The following TMEM200A variants were observed in gnomAD, a reference collection of about 807,000 sequenced individuals.
The protein encoded by TMEM200A is two transmembrane C.
In TMEM200A, 12 loss-of-function variants were observed where a neutral mutation model predicts 24.3. That is an observed-to-expected ratio of 0.49 (90% CI 0.32 to 0.80). The LOEUF (loss-of-function observed/expected upper bound fraction) is 0.80. Ranked by LOEUF, TMEM200A falls within the 30% of genes least tolerant of loss-of-function variation. TMEM200A has a pLI of 0.04. For synonymous variants in TMEM200A, 224 were observed against 224.4 expected, an observed-to-expected ratio of 1.00 and a Z score of 0.02; for missense variants, 545 against 614.4, an observed-to-expected ratio of 0.89 and a Z score of 1.19.
At chr6:130,423,758 A>C (rs1210230964) in intron 2 of TMEM200A, among the ~76,000 whole-genome samples, 3 of 152,130 alleles carry the variant, frequency 2.0e-5, no homozygotes, top group Admixed American at 2.0e-4. Context: ...TCCAAATAAT[A>C]AGATACATAA....
chr6:130,412,453 T>A (rs948150982), intron 2 of TMEM200A, among the ~76,000 whole-genome samples: 2 of 152,218 alleles, frequency 1.3e-5, no homozygotes, highest in East Asian at 3.9e-4. Flanking sequence ...ATCTCAGCTC[T>A]CTCAGATTCT....
At chr6:130,379,241 A>G (rs1318792141) in intron 1 of TMEM200A, among the ~76,000 whole-genome samples, 1 of 152,178 alleles carries the variant, frequency 6.6e-6, no homozygotes, top group Non-Finnish European at 1.5e-5. Context: ...AATTTTTCAG[A>G]CAACACTGTG....
At chr6:130,373,470 G>C (rs1342837767) in intron 1 of TMEM200A, among the ~76,000 whole-genome samples, 1 of 151,960 alleles carries the variant, frequency 6.6e-6, no homozygotes, top group Admixed American at 6.6e-5. Context: ...AACCTACTCT[G>C]TTTGCTTAAT....
At chr6:130,419,461 G>T (rs1473412319) in intron 2 of TMEM200A, among the ~76,000 whole-genome samples, 1 of 152,090 alleles carries the variant, frequency 6.6e-6, no homozygotes, top group Non-Finnish European at 1.5e-5. Flanking sequence ...GGATCATATG[G>T]TATTTCTATT....
intron 2 of TMEM200A, among the ~76,000 whole-genome samples, chr6:130,425,881 G>A (rs1396440051): frequency 6.6e-6 from 1 of 152,130 alleles, no homozygotes; most frequent in Non-Finnish European, 1.5e-5. Flanking sequence ...AAAAAATAGT[G>A]TGTTACAGTA....
At position 130,441,035 on chromosome 6, in the gene TMEM200A, T is replaced by C. The variant is rs767975924; in HGVS notation, c.613T>C (p.Leu205=). Residue 205 remains leucine (L), a synonymous_variant, in exon 3 of 3, where the codon TTG becomes CTG. Coordinates refer to ENST00000296978, the MANE Select transcript of TMEM200A (RefSeq NM_001258277.2). ...KQNGSSCASR[L]AANTIASFSG... ...GAATGGGAGCTCCTGTGCCTCGAGATTGGCAGCAAATACGATCGCCTCTTT... is the reference window on the plus strand; with the variant it reads ...GAATGGGAGCTCCTGTGCCTCGAGACTGGCAGCAAATACGATCGCCTCTTT... The C allele has an allele frequency of 1.2e-5, 19 of 1,613,790 alleles. No homozygotes were observed. In the Admixed American group the frequency reaches 2.5e-4, roughly 21 times the overall value.
chr6:130,366,638 C>A lies in TMEM200A; in HGVS notation c.-81+114C>A, dbSNP rs183139309. The stretch of plus-strand genomic sequence containing the variant: ...CCTCCCCTCCCCTCCGCTACAGCCT[C>A]CAGAGTTAGGTAAACGCTGTCTCTC... On this transcript the variant is annotated intron_variant, in intron 1 of 2. Coordinates refer to ENST00000296978, the MANE Select transcript of TMEM200A (RefSeq NM_001258277.2). The surrounding 1 kb of genome is among the most constrained non-coding windows in gnomAD (Gnocchi z 4.4). 6 of 901,478 alleles carry A rather than the reference C, an allele frequency of 6.7e-6. No homozygotes were observed. The Admixed American group carries it at 3.1e-4, about 46-fold the overall frequency. 55.8% of individuals were successfully genotyped at this position (901,478 alleles called of 1,614,324 possible). A position where few individuals can be genotyped will look rare whatever the true frequency, so the allele number is the denominator to read the frequency against.
At chr6:130,416,644 A>C (rs894449676) in intron 2 of TMEM200A, among the ~76,000 whole-genome samples, 1 of 152,112 alleles carries the variant, frequency 6.6e-6, no homozygotes, top group Non-Finnish European at 1.5e-5. Context: ...AGCTGCTATC[A>C]TCTCTTTCCT....
chr6:130,429,898 T>G (rs1779835702), intron 2 of TMEM200A, among the ~76,000 whole-genome samples: 1 of 152,038 alleles, frequency 6.6e-6, no homozygotes, highest in Non-Finnish European at 1.5e-5. Flanking sequence ...TATAAATCAG[T>G]TCTAGAAAAC....
At chr6:130,436,662 T>A (rs9492592) in intron 2 of TMEM200A, among the ~76,000 whole-genome samples, 5 of 128,282 alleles carry the variant, frequency 3.9e-5, no homozygotes, top group African/African-American at 1.2e-4. Context: ...TTTTTTTTTT[T>A]CAGAGAGACA....
intron 2 of TMEM200A, among the ~76,000 whole-genome samples, chr6:130,424,348 A>T (rs755506029): frequency 2.0e-5 from 3 of 152,146 alleles, no homozygotes; most frequent in Non-Finnish European, 4.4e-5. Flanking sequence ...TAAATACAAT[A>T]ATATATATTG....
At position 130,377,436 on chromosome 6, in the gene TMEM200A, A is replaced by G. The variant is rs570028842; in HGVS notation, c.-80-7737A>G. Among the ~76,000 whole-genome samples, 6 of 152,256 alleles carry G rather than the reference A, an allele frequency of 3.9e-5. No homozygotes were observed. In the East Asian group the frequency reaches 1.2e-3, roughly 29 times the overall value. ...CTGTTCTCCTGCCCCAACTGCCAGA[A>G]TCTCATCTGTTTATTTGGCAGGAGA... On this transcript the variant is annotated intron_variant, in intron 1 of 2. Coordinates refer to ENST00000296978, the MANE Select transcript of TMEM200A (RefSeq NM_001258277.2).
intron 2 of TMEM200A, among the ~76,000 whole-genome samples, chr6:130,410,367 A>AT (rs1344486301): frequency 4.6e-5 from 7 of 152,216 alleles, no homozygotes; most frequent in African/African-American, 1.7e-4. Context: ...AGCTTTTAAC[A>AT]TTAACTTTTT....
At chr6:130,433,486 A>G (rs903813715) in intron 2 of TMEM200A, among the ~76,000 whole-genome samples, 1 of 151,978 alleles carries the variant, frequency 6.6e-6, no homozygotes, top group Non-Finnish European at 1.5e-5. Context: ...ATGTGATTGA[A>G]CTCTTAGTCA....
At chr6:130,427,273 CCAA>C (rs1380878991) in intron 2 of TMEM200A, among the ~76,000 whole-genome samples, 5 of 152,154 alleles carry the variant, frequency 3.3e-5, no homozygotes, top group African/African-American at 4.8e-5. Flanking sequence ...TTACGTGTCA[CCAA>C]CAACATTCTG....
intron 2 of TMEM200A, among the ~76,000 whole-genome samples, chr6:130,400,061 TACAC>T (rs906565489): frequency 1.3e-5 from 2 of 151,734 alleles, no homozygotes; most frequent in South Asian, 2.1e-4. Flanking sequence ...TATATATACA[TACAC>T]ACACATATAT....
At chr6:130,429,055 A>C (rs1020005544) in intron 2 of TMEM200A, among the ~76,000 whole-genome samples, 1 of 152,200 alleles carries the variant, frequency 6.6e-6, no homozygotes, top group Non-Finnish European at 1.5e-5. Context: ...TATGGCATAA[A>C]ACGTATTTTT....
At chr6:130,433,329 G>C (rs553259076) in intron 2 of TMEM200A, among the ~76,000 whole-genome samples, 3 of 152,016 alleles carry the variant, frequency 2.0e-5, no homozygotes, top group African/African-American at 7.2e-5. Flanking sequence ...GTAGAGACAG[G>C]GTTTCACCGT....
chr6:130,412,239 C>G (rs1418788837), intron 2 of TMEM200A, among the ~76,000 whole-genome samples: 1 of 149,662 alleles, frequency 6.7e-6, no homozygotes, highest in Non-Finnish European at 1.5e-5. Flanking sequence ...AAACCAAGGT[C>G]TGAATGATGG....
Sources: allele counts gnomAD v4.1 joint callset (sites outside exome capture counted in the v4.1 genomes callset), GRCh38; gene constraint gnomAD v4.1.1; non-coding constraint Gnocchi (gnomAD v3.1); transcripts MANE v1.5; gene names NCBI Gene and HGNC (gene_info 2026-07-23, HGNC 2026-07-21).